The following MAN1C1 variants were observed in gnomAD, a reference collection of about 807,000 sequenced individuals.
The protein encoded by MAN1C1 is mannosidase alpha class 1C member 1.
A neutral mutation model predicts 71.5 loss-of-function variants in MAN1C1; 49 were observed. The ratio of observed to expected loss-of-function variants is 0.69; its 90% CI spans 0.54 to 0.87. The LOEUF (loss-of-function observed/expected upper bound fraction) is 0.87, where lower values mean the gene tolerates loss of function less well. MAN1C1 is among the 40% of genes least tolerant of loss of function. MAN1C1 has a pLI of 0.00. For synonymous variants in MAN1C1, 352 were observed against 343.7 expected, an observed-to-expected ratio of 1.02 and a Z score of -0.27; for missense variants, 743 against 835.0, an observed-to-expected ratio of 0.89 and a Z score of 1.36.
Position 25,775,853 on chromosome 1 carries a change from G to GT in MAN1C1, c.1258-2244dup, listed in dbSNP as rs1437042784. ...AAAGTACAGCACTGCCCCCACCCCA[G>GT]TTTTTTTTGTTTTGTTTTGTTTTCT... On this transcript the variant is annotated intron_variant, in intron 8 of 11. Coordinates refer to ENST00000374332, the MANE Select transcript of MAN1C1 (RefSeq NM_020379.4). The surrounding 1 kb of genome is among the most constrained non-coding windows in gnomAD (Gnocchi z 5.1). The GT allele has an allele frequency of 1.3e-4, 20 of 152,390 alleles. No individual in the cohort carries two copies. The highest frequency in any genetic ancestry group is 6.2e-4 in the South Asian group (3 of 4,806). The allele number at this position is 152,390 out of a possible 1,614,324, so 9.4% of individuals were successfully genotyped here.
intron 1 of MAN1C1, among the ~76,000 whole-genome samples, chr1:25,623,511 C>T (rs915879403): frequency 6.6e-6 from 1 of 152,162 alleles, no homozygotes. Flanking sequence ...GATTTACATC[C>T]GAGTTCAAGA....
At chr1:25,622,385 C>T (rs184447394) in intron 1 of MAN1C1, among the ~76,000 whole-genome samples, 170 of 152,308 alleles carry the variant, frequency 1.1e-3, no homozygotes, top group Non-Finnish European at 2.1e-4. Context: ...TGGATCTGCC[C>T]AAGCACCTAG....
At chr1:25,765,563 C>A (rs531991395) in intron 7 of MAN1C1, among the ~76,000 whole-genome samples, 7 of 152,204 alleles carry the variant, frequency 4.6e-5, no homozygotes, top group Non-Finnish European at 8.8e-5. Context: ...CTCTTTGAAC[C>A]TTGGTTTCCT....
At chr1:25,714,369 TA>T (rs1228277479) in intron 2 of MAN1C1, among the ~76,000 whole-genome samples, 2 of 152,190 alleles carry the variant, frequency 1.3e-5, no homozygotes, top group South Asian at 2.1e-4. Context: ...CTTGATTTGA[TA>T]ATTAGGGAAA....
intron 2 of MAN1C1, among the ~76,000 whole-genome samples, chr1:25,695,457 C>G: frequency 6.6e-6 from 1 of 152,176 alleles, no homozygotes; most frequent in Non-Finnish European, 1.5e-5. Flanking sequence ...CCATGGTGGT[C>G]TCCTTGTGGC....
At chr1:25,644,178 G>A (rs189421794) in intron 1 of MAN1C1, among the ~76,000 whole-genome samples, 51 of 152,232 alleles carry the variant, frequency 3.4e-4, no homozygotes, top group African/African-American at 7.7e-4. Flanking sequence ...AGCCATGGGC[G>A]TGGGGGAAAG....
intron 1 of MAN1C1, among the ~76,000 whole-genome samples, chr1:25,660,573 T>C (rs1025071471): frequency 1.1e-4 from 17 of 151,298 alleles, no homozygotes; most frequent in African/African-American, 3.6e-4. Flanking sequence ...TTTGTATTTT[T>C]AGTAGAGACG....
intron 2 of MAN1C1, among the ~76,000 whole-genome samples, chr1:25,689,810 T>C (rs955673374): frequency 6.6e-6 from 1 of 152,192 alleles, no homozygotes; most frequent in African/African-American, 2.4e-5. Context: ...CTGTGCTGGC[T>C]GAGTAGGGTA....
At position 25,779,695 on chromosome 1, in the gene MAN1C1, A is replaced by C. The variant is rs1307273925; in HGVS notation, c.1478-1245A>C. ...CTTCACCCCACTAGCGACTTGGCAAAATGACTGTTTTCTGATGGCCAGGAG... is the reference window on the plus strand; with the variant it reads ...CTTCACCCCACTAGCGACTTGGCAACATGACTGTTTTCTGATGGCCAGGAG... On this transcript the variant is annotated intron_variant, in intron 9 of 11. Coordinates refer to ENST00000374332, the MANE Select transcript of MAN1C1 (RefSeq NM_020379.4). The surrounding 1 kb of genome is among the most constrained non-coding windows in gnomAD (Gnocchi z 4.6). Among the ~76,000 whole-genome samples, 1 of 151,956 alleles carries C rather than the reference A, an allele frequency of 6.6e-6. No homozygotes were observed. Among genetic ancestry groups the C allele is most frequent in the African/African-American group, 2.4e-5 (1 of 41,360 alleles).
chr1:25,758,229 A>G (rs1027406332), intron 5 of MAN1C1, among the ~76,000 whole-genome samples: 1 of 152,178 alleles, frequency 6.6e-6, no homozygotes, highest in Non-Finnish European at 1.5e-5. Context: ...GAGGACAGCA[A>G]CCGGGTGTTC....
At chr1:25,647,552 A>C (rs1043456818) in intron 1 of MAN1C1, among the ~76,000 whole-genome samples, 8 of 148,860 alleles carry the variant, frequency 5.4e-5, no homozygotes, top group Non-Finnish European at 8.8e-5. Context: ...CCTGAGGCCA[A>C]GGCAACTGTG....
intron 2 of MAN1C1, among the ~76,000 whole-genome samples, chr1:25,707,728 A>AT (rs765946837): frequency 2.0e-5 from 3 of 152,270 alleles, no homozygotes; most frequent in Admixed American, 6.5e-5. Flanking sequence ...GATTTCAGAG[A>AT]TAAACCCGAC....
At position 25,753,634 on chromosome 1, in the gene MAN1C1, G is replaced by A. The variant is rs1031461808; in HGVS notation, c.929+56G>A. On this transcript the variant is annotated intron_variant, in intron 5 of 11. Transcript: ENST00000374332. The surrounding 1 kb of genome is among the most constrained non-coding windows in gnomAD (Gnocchi z 4.9). Reference sequence around the variant, plus strand: ...TTTACTGCGACCATGCCCACCATTTGTGTTTTGTCTGGGTGGTGCTGGTGA... The same window carrying A: ...TTTACTGCGACCATGCCCACCATTTATGTTTTGTCTGGGTGGTGCTGGTGA... 6 of 1,536,208 alleles carry A rather than the reference G, an allele frequency of 3.9e-6. No homozygotes were observed. The African/African-American group carries it at 6.9e-5, about 18-fold the overall frequency.
intron 2 of MAN1C1, among the ~76,000 whole-genome samples, chr1:25,701,670 C>CTT (rs1205941106): frequency 2.0e-5 from 3 of 152,192 alleles, no homozygotes; most frequent in Non-Finnish European, 4.4e-5. Flanking sequence ...AAAACAGGGT[C>CTT]TGTGTGTGTG....
chr1:25,758,513 C>G (rs1218242256), intron 5 of MAN1C1, 79 bp from the exon 6 acceptor site: 3 of 1,270,418 alleles, frequency 2.4e-6, no homozygotes, highest in South Asian at 2.4e-5. Context: ...GTGCCCCCAC[C>G]GAGCAGCTGC....
At chr1:25,719,315 C>T (rs954452650) in intron 2 of MAN1C1, among the ~76,000 whole-genome samples, 5 of 150,096 alleles carry the variant, frequency 3.3e-5, no homozygotes, top group Admixed American at 1.3e-4. Context: ...TCAGGTGATC[C>T]GCCCGCCTCA....
At chr1:25,682,894 T>C (rs1221248937) in intron 1 of MAN1C1, among the ~76,000 whole-genome samples, 1 of 152,004 alleles carries the variant, frequency 6.6e-6, no homozygotes, top group Non-Finnish European at 1.5e-5. Flanking sequence ...AAAAATTAGC[T>C]GAGCGTGGTG....
chr1:25,761,224 T>A (rs1189798296), intron 6 of MAN1C1: 2 of 152,154 alleles, frequency 1.3e-5, no homozygotes, highest in African/African-American at 2.4e-5. Flanking sequence ...TTTTTATAAT[T>A]ATTATTATTT....
chr1:25,661,170 T>G (rs1285498319), intron 1 of MAN1C1, among the ~76,000 whole-genome samples: 1 of 152,232 alleles, frequency 6.6e-6, no homozygotes, highest in African/African-American at 2.4e-5. Context: ...AGAGGGTTAG[T>G]TGTTAAACCG....
Sources: allele counts gnomAD v4.1 joint callset (sites outside exome capture counted in the v4.1 genomes callset), GRCh38; gene constraint gnomAD v4.1.1; non-coding constraint Gnocchi (gnomAD v3.1); transcripts MANE v1.5; gene names NCBI Gene and HGNC (gene_info 2026-07-23, HGNC 2026-07-21).